ROBO1: variants seen among roughly 807,000 people sequenced by gnomAD.
The protein encoded by ROBO1 is roundabout guidance receptor 1, also known as roundabout homolog 1.
In ROBO1, 149 loss-of-function variants were observed where a neutral mutation model predicts 195.9. That is an observed-to-expected ratio of 0.76 (90% CI 0.67 to 0.87). The LOEUF is 0.87. Among genes scored for constraint, ROBO1 ranks in the 40% least tolerant of loss-of-function variants. ROBO1 has a pLI of 0.00. For missense variants in ROBO1, 1,933 were observed against 2,068.3 expected (o/e 0.93, Z 1.27); for synonymous variants, 816 against 733.2 (o/e 1.11, Z -1.82).
At chr3:79,124,340 A>G (rs900781556) in intron 3 of ROBO1, among the ~76,000 whole-genome samples, 4 of 152,142 alleles carry the variant, frequency 2.6e-5, no homozygotes, top group Non-Finnish European at 5.9e-5. Context: ...AGGTCTTATT[A>G]ACTGTACTAC....
intron 3 of ROBO1, among the ~76,000 whole-genome samples, chr3:79,088,296 A>G (rs1336383452): frequency 1.3e-5 from 2 of 152,156 alleles, no homozygotes; most frequent in African/African-American, 4.8e-5. Context: ...TACTCATAAA[A>G]GTGATGTAGC....
At chr3:78,774,020 G>A (rs115777052) in intron 4 of ROBO1, among the ~76,000 whole-genome samples, 7,143 of 152,156 alleles carry the variant, frequency 0.047, 555 homozygotes, top group African/African-American at 0.16. Flanking sequence ...AAACAATCTT[G>A]GGAGATGCAC....
intron 4 of ROBO1, among the ~76,000 whole-genome samples, chr3:78,760,628 T>C (rs1017712003): frequency 6.6e-6 from 1 of 152,164 alleles, no homozygotes; most frequent in Non-Finnish European, 1.5e-5. Flanking sequence ...GTGACATGTT[T>C]ATGTGTTATA....
chr3:79,695,933 T>A (rs1215116975), intron 1 of ROBO1, among the ~76,000 whole-genome samples: 1 of 134,296 alleles, frequency 7.4e-6, no homozygotes, highest in African/African-American at 2.5e-5. Flanking sequence ...GACACAGTTA[T>A]AGGTTTTTTT....
chr3:78,892,233 G>A (rs2036946649), intron 4 of ROBO1, among the ~76,000 whole-genome samples: 2 of 152,124 alleles, frequency 1.3e-5, no homozygotes, highest in African/African-American at 2.4e-5. Flanking sequence ...TCTCATAGAA[G>A]TGCAAACCCT....
intron 4 of ROBO1, among the ~76,000 whole-genome samples, chr3:78,859,458 AATATGAACTTTC>A (rs887306196): frequency 6.6e-6 from 1 of 152,172 alleles, no homozygotes; most frequent in African/African-American, 2.4e-5. Flanking sequence ...TGAAGTTCAA[AATATGAACTTTC>A]ATATTGTGAA....
chr3:79,550,612 A>C (rs1200500985), intron 2 of ROBO1, among the ~76,000 whole-genome samples: 1 of 152,234 alleles, frequency 6.6e-6, no homozygotes. Context: ...GCTTCAACAT[A>C]TGTTTAAAAA....
chr3:78,711,348 C>CTCCTTTCT (rs1575992298), intron 8 of ROBO1, among the ~76,000 whole-genome samples: 5 of 54,688 alleles, frequency 9.1e-5, no homozygotes, highest in East Asian at 7.8e-4. Context: ...TCCTTCCTTC[C>CTCCTTTCT]TCCTTCCTTC....
At chr3:78,952,358 T>C (rs1445405866) in intron 3 of ROBO1, among the ~76,000 whole-genome samples, 1 of 149,450 alleles carries the variant, frequency 6.7e-6, no homozygotes, top group African/African-American at 2.4e-5. Flanking sequence ...GATGTAATTA[T>C]ATATATAATA....
intron 4 of ROBO1, among the ~76,000 whole-genome samples, chr3:78,751,800 C>T (rs2082803489): frequency 6.6e-6 from 1 of 152,084 alleles, no homozygotes; most frequent in East Asian, 1.9e-4. Context: ...TTTATCAATG[C>T]TTCCTTTTAT....
At chr3:79,258,076 A>C (rs2082871343) in intron 2 of ROBO1, among the ~76,000 whole-genome samples, 1 of 152,122 alleles carries the variant, frequency 6.6e-6, no homozygotes, top group Non-Finnish European at 1.5e-5. Context: ...AGCATCTTTA[A>C]ACATTTAGCT....
chr3:78,603,103 T>C (rs1209595447), intron 29 of ROBO1, among the ~76,000 whole-genome samples: 1 of 152,190 alleles, frequency 6.6e-6, no homozygotes, highest in Admixed American at 6.5e-5. Flanking sequence ...GTTGCACACA[T>C]CTTCAAACAT....
intron 8 of ROBO1, among the ~76,000 whole-genome samples, chr3:78,701,361 G>C (rs915107287): frequency 6.6e-6 from 1 of 152,120 alleles, no homozygotes; most frequent in Non-Finnish European, 1.5e-5. Context: ...TAGAAACAAT[G>C]ATAAAGCAGC....
At position 79,577,759 on chromosome 3, in the gene ROBO1, C is replaced by G. The variant is rs746540733; in HGVS notation, c.88+12065G>C. Among the ~76,000 whole-genome samples the G allele has an allele frequency of 3.6e-3, 517 of 144,700 alleles. 1 individual carries two copies. Among genetic ancestry groups the G allele is most frequent in the Non-Finnish European group, 6.5e-3 (426 of 65,768 alleles). 94.9% of individuals were successfully genotyped at this position (144,700 alleles called of 152,430 possible). ...ACACACACACACACACACACACACACAAAATTGCTGGGCATGGTGGCGGGA... is the reference window on the plus strand; with the variant it reads ...ACACACACACACACACACACACACAGAAAATTGCTGGGCATGGTGGCGGGA... On this transcript the variant is annotated intron_variant, in intron 2 of 30. Coordinates refer to ENST00000464233, the MANE Select transcript of ROBO1 (RefSeq NM_002941.4).
At chr3:79,404,645 C>G (rs755994502) in intron 2 of ROBO1, among the ~76,000 whole-genome samples, 35 of 152,064 alleles carry the variant, frequency 2.3e-4, no homozygotes, top group Non-Finnish European at 5.9e-5. Context: ...TCAGTTAAAC[C>G]TGGTTTTCTG....
intron 2 of ROBO1, among the ~76,000 whole-genome samples, chr3:79,569,960 G>A (rs985489272): frequency 1.3e-5 from 2 of 151,078 alleles, no homozygotes; most frequent in Non-Finnish European, 3.0e-5. Flanking sequence ...AATTGGCCTG[G>A]CATAGTGATG....
intron 1 of ROBO1, among the ~76,000 whole-genome samples, chr3:79,675,757 C>G (rs981746449): frequency 1.3e-5 from 2 of 151,994 alleles, no homozygotes; most frequent in Admixed American, 1.3e-4. Flanking sequence ...AAAATATTTA[C>G]TAAATCTTTT....
At chr3:79,482,783 ATTGGATTTGACC>A (rs1465866516) in intron 2 of ROBO1, among the ~76,000 whole-genome samples, 1 of 152,232 alleles carries the variant, frequency 6.6e-6, no homozygotes, top group Non-Finnish European at 1.5e-5. Context: ...GGGATGTAGA[ATTGGATTTGACC>A]TTGAAACCTC....
intron 5 of ROBO1, among the ~76,000 whole-genome samples, chr3:78,724,354 C>T (rs915527630): frequency 6.6e-6 from 1 of 151,546 alleles, no homozygotes; most frequent in African/African-American, 2.4e-5. Flanking sequence ...TATAACATAC[C>T]CACTTTCAAG....
Sources: allele counts gnomAD v4.1 joint callset (sites outside exome capture counted in the v4.1 genomes callset), GRCh38; gene constraint gnomAD v4.1.1; transcripts MANE v1.5; gene names NCBI Gene and HGNC (gene_info 2026-07-23, HGNC 2026-07-21).